Variants in RBM47 observed in about 807,000 individuals in gnomAD.
RBM47 encodes the protein RNA binding motif protein 47, also known as RNA-binding protein 47.
Under a neutral mutation model 47.1 loss-of-function variants are expected in RBM47, and 21 were observed. The observed-to-expected ratio is 0.45, with a 90% confidence interval of 0.32 to 0.64. The LOEUF is 0.64. RBM47 is among the 30% of genes least tolerant of loss of function. The probability of loss-of-function intolerance (pLI) is 0.05; values close to 1 mark genes in which losing one functional copy is unlikely to be tolerated. For missense variants in RBM47, 708 were observed against 870.9 expected, an observed-to-expected ratio of 0.81 and a Z score of 2.35; for synonymous variants, 375 against 361.7, an observed-to-expected ratio of 1.04 and a Z score of -0.42.
Position 40,425,993 on chromosome 4 carries a change from T to C in RBM47, c.1693A>G (p.Met565Val), listed in dbSNP as rs278981. The change falls in exon 7 of 7, where the codon ATG (methionine) becomes GTG (valine). Residue 565 changes from methionine to valine, a missense_variant. Physicochemically the swap from Met to Val is conservative, Grantham distance 21. Transcript: ENST00000295971. ...LQKNAAAAAA[M>V]YGGYAGYIPQ... Reference sequence around the variant, plus strand: ...ATGTAGCCTGCGTATCCTCCATACATGGCGGCCGCGGCTGCCGCGTTCTTC... The same window carrying C: ...ATGTAGCCTGCGTATCCTCCATACACGGCGGCCGCGGCTGCCGCGTTCTTC... 1,213,674 of 1,613,938 alleles carry C rather than the reference T, an allele frequency of 0.75. 457,928 individuals are homozygous for C. Among genetic ancestry groups the C allele is most frequent in the Admixed American group, 0.81 (48,362 of 60,014 alleles).
chr4:40,537,753 T>A (rs1728122712), intron 2 of RBM47, among the ~76,000 whole-genome samples: 1 of 152,184 alleles, frequency 6.6e-6, no homozygotes, highest in African/African-American at 2.4e-5. Flanking sequence ...AGGAAGGCTT[T>A]GTGATGAAGT....
chr4:40,529,596 G>A (rs1318465908), intron 2 of RBM47, among the ~76,000 whole-genome samples: 1 of 149,234 alleles, frequency 6.7e-6, no homozygotes, highest in Non-Finnish European at 1.5e-5. Context: ...CATTTTGGGA[G>A]GCTGAGGTGG....
intron 1 of RBM47, among the ~76,000 whole-genome samples, chr4:40,550,930 G>A (rs1305849633): frequency 6.6e-6 from 1 of 150,974 alleles, no homozygotes; most frequent in Non-Finnish European, 1.5e-5. Flanking sequence ...ACTTCCTTAT[G>A]CAAGAAACAT....
intron 2 of RBM47, among the ~76,000 whole-genome samples, chr4:40,481,779 T>C (rs1720465353): frequency 6.6e-6 from 1 of 152,210 alleles, no homozygotes; most frequent in South Asian, 2.1e-4. Flanking sequence ...CTTAAACTCC[T>C]GACCTCAAGC....
intron 1 of RBM47, among the ~76,000 whole-genome samples, chr4:40,587,890 T>A (rs970225266): frequency 4.6e-5 from 7 of 152,212 alleles, no homozygotes; most frequent in Admixed American, 4.6e-4. Context: ...GGAATTATAG[T>A]GAGTTGCTCA....
In RBM47 at chr4:40,434,000, GGGGT is replaced by G. The variant is rs1360227117; in HGVS notation, c.1331-1142_1331-1139del. ...TGTGTGAGTGTGTGTGTGTGGGGCGGGGGTGTGTGTGTGTGTGTGTGTGTGTGTG... is the reference window on the plus strand; with the variant it reads ...TGTGTGAGTGTGTGTGTGTGGGGCGGGTGTGTGTGTGTGTGTGTGTGTGTG... On this transcript the variant is annotated intron_variant, in intron 5 of 6. Coordinates refer to ENST00000295971, the MANE Select transcript of RBM47 (RefSeq NM_001098634.2). 1.0e-4 allele frequency among the ~76,000 whole-genome samples: 6 copies of G among 60,294 alleles called. 1 individual carries two copies. In the South Asian group the frequency reaches 2.6e-3, roughly 26 times the overall value. 39.6% of individuals were successfully genotyped at this position (60,294 alleles called of 152,430 possible).
chr4:40,511,778 T>C (rs1163841007), intron 2 of RBM47, among the ~76,000 whole-genome samples: 1 of 151,692 alleles, frequency 6.6e-6, no homozygotes, highest in African/African-American at 2.4e-5. Context: ...CTACTAAAAA[T>C]ACAAAAATTA....
intron 1 of RBM47, among the ~76,000 whole-genome samples, chr4:40,603,409 C>T (rs1485558842): frequency 6.6e-6 from 1 of 152,096 alleles, no homozygotes; most frequent in Non-Finnish European, 1.5e-5. Flanking sequence ...CTATTAAGGG[C>T]ATTGTTAAAC....
intron 3 of RBM47, among the ~76,000 whole-genome samples, chr4:40,460,147 G>A (rs1397310230): frequency 6.6e-6 from 1 of 151,654 alleles, no homozygotes; most frequent in Non-Finnish European, 1.5e-5. Flanking sequence ...GAATGCCAAT[G>A]TTAATATCCC....
intron 3 of RBM47, among the ~76,000 whole-genome samples, chr4:40,462,103 C>T (rs564071214): frequency 5.3e-5 from 8 of 152,206 alleles, no homozygotes; most frequent in African/African-American, 1.4e-4. Context: ...TCTCCAAGCC[C>T]GTCAGAGAAC....
intron 3 of RBM47, among the ~76,000 whole-genome samples, chr4:40,463,626 A>G (rs1008343126): frequency 6.6e-6 from 1 of 152,100 alleles, no homozygotes; most frequent in Non-Finnish European, 1.5e-5. Flanking sequence ...GAGGTTGGTA[A>G]GTAATAACAG....
At chr4:40,590,075 G>A (rs2154274865) in intron 1 of RBM47, among the ~76,000 whole-genome samples, 1 of 152,280 alleles carries the variant, frequency 6.6e-6, no homozygotes, top group African/African-American at 2.4e-5. Flanking sequence ...CCAAACATTA[G>A]GGACAGAAGC....
chr4:40,457,348 A>C (rs779514226), intron 3 of RBM47, among the ~76,000 whole-genome samples: 1 of 149,160 alleles, frequency 6.7e-6, no homozygotes, highest in Non-Finnish European at 1.5e-5. Flanking sequence ...ACTTGAACCC[A>C]GGAGGCAGAG....
intron 1 of RBM47, among the ~76,000 whole-genome samples, chr4:40,623,706 CT>C (rs1297852381): frequency 6.6e-6 from 1 of 152,082 alleles, no homozygotes; most frequent in Non-Finnish European, 1.5e-5. Flanking sequence ...AGAAAACATA[CT>C]TTTTTCCTTC....
intron 1 of RBM47, among the ~76,000 whole-genome samples, chr4:40,546,241 C>T (rs1366975899): frequency 6.6e-6 from 1 of 152,004 alleles, no homozygotes; most frequent in Non-Finnish European, 1.5e-5. Flanking sequence ...ACCTCCGCCT[C>T]CCGGGTTCAA....
chr4:40,495,811 T>C (rs1176196333), intron 2 of RBM47, among the ~76,000 whole-genome samples: 5 of 128,582 alleles, frequency 3.9e-5, no homozygotes, highest in African/African-American at 1.6e-4. Flanking sequence ...TTATAACTTC[T>C]GAAAAGTGGT....
intron 1 of RBM47, among the ~76,000 whole-genome samples, chr4:40,595,698 G>C (rs750582531): frequency 6.6e-6 from 1 of 151,768 alleles, no homozygotes; most frequent in Non-Finnish European, 1.5e-5. Context: ...GACCAGCCTG[G>C]CCAACATGGC....
chr4:40,495,975 T>G (rs28507218), intron 2 of RBM47, among the ~76,000 whole-genome samples: 81 of 152,338 alleles, frequency 5.3e-4, no homozygotes, highest in African/African-American at 1.8e-3. Flanking sequence ...ATCTCTTGTC[T>G]GTGCCTAATG....
intron 2 of RBM47, among the ~76,000 whole-genome samples, chr4:40,518,158 CTTTTTTTTTTTTTTT>C (rs530465415): frequency 1.4e-5 from 1 of 70,682 alleles, no homozygotes; most frequent in Non-Finnish European, 2.5e-5. Flanking sequence ...CTTTTCTTTT[CTTTTTTTTTTTTTTT>C]TTTTTTTTTT....
Sources: gnomAD v4.1 joint callset for allele counts (sites outside exome capture counted in the v4.1 genomes callset) on GRCh38, gnomAD v4.1.1 for gene constraint, MANE v1.5 for transcripts, NCBI Gene and HGNC (gene_info 2026-07-23, HGNC 2026-07-21) for gene names.